NEK10: variants seen among roughly 807,000 people sequenced by gnomAD.
The protein encoded by NEK10 is serine/threonine-protein kinase Nek10.
In NEK10, 122 loss-of-function variants were observed where a neutral mutation model predicts 159.8. The ratio of observed to expected loss-of-function variants is 0.76; its 90% CI spans 0.66 to 0.89. NEK10 has a LOEUF of 0.89. NEK10 is among the 40% of genes least tolerant of loss of function. The probability of loss-of-function intolerance (pLI) is 0.00; values close to 1 mark genes in which losing one functional copy is unlikely to be tolerated. For missense variants in NEK10, 1,342 were observed against 1,323.1 expected, an observed-to-expected ratio of 1.01 and a Z score of -0.22; for synonymous variants, 466 against 457.1, an observed-to-expected ratio of 1.02 and a Z score of -0.25.
intron 1 of NEK10, among the ~76,000 whole-genome samples, chr3:27,359,689 C>T (rs1023469416): frequency 6.6e-5 from 10 of 152,180 alleles, no homozygotes; most frequent in Admixed American, 2.0e-4. Flanking sequence ...GTTTTGATGA[C>T]TGTAACATGG....
rs776436347 is a variant in NEK10 at position 27,208,747 on chromosome 3, T to C, written c.2091-6190A>G. Among the ~76,000 whole-genome samples the C allele has an allele frequency of 1.1e-4, 17 of 152,300 alleles. No individual in the cohort carries two copies. The East Asian group carries it at 2.9e-3, about 26-fold the overall frequency. On this transcript the variant is annotated intron_variant, in intron 23 of 35. Coordinates refer to ENST00000691995, the MANE Select transcript of NEK10 (RefSeq NM_001394966.1). ...CATCAATTTGGAATATATTAATTCA[T>C]GTATGTCTGCAAGATCCACAATTGG...
intron 23 of NEK10, among the ~76,000 whole-genome samples, chr3:27,210,705 C>A (rs7615829): frequency 6.6e-6 from 1 of 151,954 alleles, no homozygotes; most frequent in Non-Finnish European, 1.5e-5. Flanking sequence ...GTAATAATTT[C>A]TATACCTTTC....
intron 20 of NEK10, among the ~76,000 whole-genome samples, chr3:27,286,977 TAAC>T (rs1428475469): frequency 2.0e-5 from 3 of 152,020 alleles, no homozygotes; most frequent in Non-Finnish European, 2.9e-5. Flanking sequence ...TTTTCTTAAA[TAAC>T]AATAGCACTG....
chr3:27,148,701 T>C (rs1372582302), intron 30 of NEK10, among the ~76,000 whole-genome samples: 4 of 152,224 alleles, frequency 2.6e-5, no homozygotes, highest in Non-Finnish European at 5.9e-5. Context: ...TTACACACCA[T>C]GCTACAATCA....
intron 16 of NEK10, among the ~76,000 whole-genome samples, chr3:27,292,014 C>G (rs553247035): frequency 7.1e-4 from 108 of 152,040 alleles, no homozygotes; most frequent in African/African-American, 2.6e-3. Context: ...TTTTGGTTAT[C>G]AACAAAGTTG....
intron 23 of NEK10, 72 bp from the exon 24 acceptor site, chr3:27,202,629 C>G: frequency 7.2e-7 from 1 of 1,386,512 alleles, no homozygotes; most frequent in South Asian, 1.9e-5. Context: ...AATTTTCAAG[C>G]TTTATTGGAG....
chr3:27,305,723 G>A (rs2044194740), intron 11 of NEK10, among the ~76,000 whole-genome samples: 1 of 152,050 alleles, frequency 6.6e-6, no homozygotes, highest in South Asian at 2.1e-4. Context: ...ACACTACAAT[G>A]CAGGTAAGTT....
intron 5 of NEK10, among the ~76,000 whole-genome samples, chr3:27,341,819 A>G (rs1022779149): frequency 1.3e-5 from 2 of 152,174 alleles, no homozygotes; most frequent in Non-Finnish European, 2.9e-5. Flanking sequence ...TTGGGTAGAC[A>G]TTGAGAAATG....
intron 35 of NEK10, among the ~76,000 whole-genome samples, chr3:27,115,580 G>A (rs1350140002): frequency 6.6e-6 from 1 of 152,166 alleles, no homozygotes; most frequent in Non-Finnish European, 1.5e-5. Flanking sequence ...GTAGATTTAA[G>A]TGATAGGAGT....
intron 3 of NEK10, among the ~76,000 whole-genome samples, chr3:27,351,729 A>T (rs763614532): frequency 3.3e-5 from 5 of 152,114 alleles, no homozygotes; most frequent in Non-Finnish European, 7.4e-5. Flanking sequence ...AAGCAAGAAC[A>T]ATGTAGACTT....
intron 30 of NEK10, among the ~76,000 whole-genome samples, chr3:27,152,385 A>G (rs779749829): frequency 6.6e-6 from 1 of 152,188 alleles, no homozygotes; most frequent in Non-Finnish European, 1.5e-5. Context: ...TTTGTATCCA[A>G]CAAAACTAAG....
At chr3:27,117,390 G>C (rs1940623561) in intron 33 of NEK10, among the ~76,000 whole-genome samples, 1 of 152,194 alleles carries the variant, frequency 6.6e-6, no homozygotes, top group South Asian at 2.1e-4. Flanking sequence ...CTAGGTCTTT[G>C]AGGAATAGCC....
At chr3:27,125,130 T>A (rs1941797856) in intron 32 of NEK10, among the ~76,000 whole-genome samples, 1 of 152,294 alleles carries the variant, frequency 6.6e-6, no homozygotes, top group African/African-American at 2.4e-5. Context: ...ACTGTATCAT[T>A]GTTACTACCT....
intron 27 of NEK10, 45 bp downstream of exon 27, chr3:27,174,605 C>G: frequency 1.9e-6 from 3 of 1,596,254 alleles, no homozygotes; most frequent in Non-Finnish European, 2.6e-6. Flanking sequence ...TGTTGACACA[C>G]TGCCACTAGC....
intron 26 of NEK10, among the ~76,000 whole-genome samples, chr3:27,177,707 T>C (rs1318840240): frequency 6.6e-6 from 1 of 152,192 alleles, no homozygotes; most frequent in Non-Finnish European, 1.5e-5. Context: ...AGTATCCAAC[T>C]CTTTATAAAA....
In NEK10 at chr3:27,110,404, A is replaced by C. The variant is rs898556331; in HGVS notation, c.*868T>G. On this transcript the variant is annotated 3_prime_UTR_variant, in exon 36 of 36. Transcript: ENST00000691995. ...ATCCTAAACAATTCATAAACAATTT[A>C]GGTAATTGTAATAAGGAGGGATTTA... The C allele has an allele frequency of 2.0e-5, 3 of 152,238 alleles. No individual in the cohort carries two copies. The highest frequency in any genetic ancestry group is 6.5e-5 in the Admixed American group (1 of 15,280). The allele number at this position is 152,238 out of a possible 1,614,324, so 9.4% of individuals were successfully genotyped here.
At chr3:27,140,960 T>A in intron 31 of NEK10, among the ~76,000 whole-genome samples, 1 of 152,168 alleles carries the variant, frequency 6.6e-6, no homozygotes, top group East Asian at 1.9e-4. Context: ...TTTCTAGACA[T>A]ATTTCTGTCA....
At chr3:27,218,790 A>T (rs1226360537) in intron 23 of NEK10, among the ~76,000 whole-genome samples, 4 of 151,132 alleles carry the variant, frequency 2.6e-5, no homozygotes, top group Admixed American at 2.6e-4. Context: ...AGAGCATTTG[A>T]CGAAGTCCAA....
At chr3:27,297,596 T>C (rs554863016) in intron 13 of NEK10, among the ~76,000 whole-genome samples, 7 of 152,364 alleles carry the variant, frequency 4.6e-5, no homozygotes, top group African/African-American at 1.2e-4. Context: ...ATATCTATAA[T>C]GGTTGATAAA....
Sources: allele counts gnomAD v4.1 joint callset (sites outside exome capture counted in the v4.1 genomes callset), GRCh38; gene constraint gnomAD v4.1.1; transcripts MANE v1.5; gene names NCBI Gene and HGNC (gene_info 2026-07-23, HGNC 2026-07-21).